GHRH: variants seen among roughly 807,000 people sequenced by gnomAD.
The protein encoded by GHRH is growth hormone releasing hormone, also known as somatoliberin.
In GHRH, 7 loss-of-function variants were observed where a neutral mutation model predicts 15.6. The observed-to-expected ratio is 0.45, with a 90% CI of 0.26 to 0.84. GHRH has a LOEUF of 0.84. Among genes scored for constraint, GHRH ranks in the 40% least tolerant of loss-of-function variants. The pLI is 0.18. For missense variants in GHRH, 117 were observed against 138.0 expected (o/e 0.85, Z 0.76); for synonymous variants, 54 against 50.4 (o/e 1.07, Z -0.30).
At chr20:37,255,866 CA>C (rs1473768143) in intron 3 of GHRH, among the ~76,000 whole-genome samples, 2 of 151,706 alleles carry the variant, frequency 1.3e-5, no homozygotes, top group Non-Finnish European at 2.9e-5. Context: ...CCCATCTCTA[CA>C]AAAAATAAAA....
chr20:37,251,362 G>A, intron 4 of GHRH, 131 bp from the exon 5 acceptor site: 5 of 666,282 alleles, frequency 7.5e-6, no homozygotes, highest in Non-Finnish European at 1.3e-5. Context: ...GAGGCAGTGT[G>A]GGGTGGAGGG....
intron 3 of GHRH, among the ~76,000 whole-genome samples, chr20:37,255,660 CAAA>C (rs61126074): frequency 6.8e-5 from 1 of 14,718 alleles, no homozygotes; most frequent in Non-Finnish European, 1.3e-4. Context: ...GACTCCATCT[CAAA>C]AAAAAAAAAA....
intron 2 of GHRH, 66 bp from the exon 3 acceptor site, chr20:37,256,564 C>T (rs1256057886): frequency 2.0e-6 from 2 of 997,296 alleles, no homozygotes; most frequent in African/African-American, 1.6e-5. Flanking sequence ...GTCGTGGCTG[C>T]ACTCGCCATG....
At chr20:37,252,353 C>T (rs887756056) in intron 4 of GHRH, among the ~76,000 whole-genome samples, 2 of 152,106 alleles carry the variant, frequency 1.3e-5, no homozygotes, top group Non-Finnish European at 2.9e-5. Context: ...GGTGTCTAAT[C>T]GGGTTGGGAA....
chr20:37,256,418 T>G lies in GHRH; in HGVS notation c.164A>C (p.Gln55Pro), dbSNP rs1302355642. 1 of 1,612,214 alleles carries G rather than the reference T, an allele frequency of 6.2e-7. No individual in the cohort carries two copies. The highest frequency in any genetic ancestry group is 2.2e-5 in the East Asian group (1 of 44,866). ...LGQLSARKLL[Q>P]DIMSRQQGES... is the part of the protein sequence containing the mutation. ...CCCCTGCTGCCTGCTCATGATGTCC[T>G]GGAGCAGCTTGCGGGCGGACAGCTG... The change falls in exon 3 of 5, where the codon CAG becomes CCG. Residue 55 changes from glutamine (Q) to proline (P), a missense_variant. Transcript: ENST00000373614.
intron 2 of GHRH, 78 bp from the exon 3 acceptor site, chr20:37,256,576 C>G: frequency 1.1e-6 from 1 of 908,390 alleles, no homozygotes; most frequent in African/African-American, 1.6e-5. Flanking sequence ...CTCGCCATGT[C>G]TCTGCAAGAT....
intron 3 of GHRH, among the ~76,000 whole-genome samples, 165 bp downstream of exon 3, chr20:37,256,229 T>C (rs1053230512): frequency 1.3e-5 from 2 of 151,872 alleles, no homozygotes; most frequent in Non-Finnish European, 2.9e-5. Context: ...GGCATGGAGG[T>C]AAGTTGAGGT....
In GHRH at chr20:37,258,554, C is replaced by T. The variant is rs2068671013; in HGVS notation, c.-19-1646G>A. 6.6e-6 allele frequency among the ~76,000 whole-genome samples: 1 copy of T among 152,294 alleles called. No individual in the cohort carries two copies. Among genetic ancestry groups the T allele is most frequent in the South Asian group, 2.1e-4 (1 of 4,828 alleles). On this transcript the variant is annotated intron_variant, in intron 1 of 4. Coordinates refer to ENST00000373614, the MANE Select transcript of GHRH (RefSeq NM_021081.6). This position sits in a 1 kb window ranked among gnomAD's most constrained non-coding sequence, Gnocchi z 4.1. Reference sequence around the variant, plus strand: ...GGTCTGCTTACTGCAGCCTGAGACCCTGTACCTGCAGAGCTGGAGGGAGCA... The same window carrying T: ...GGTCTGCTTACTGCAGCCTGAGACCTTGTACCTGCAGAGCTGGAGGGAGCA...
rs540473175 is a variant in GHRH at position 37,255,301 on chromosome 20, G to A, written c.189-972C>T. ...TTTTTCAAAGTAAAAACTAAAAAAC[G>A]TATAGGCTATAGAGTCAGGCAGTTT... is the stretch of plus-strand genomic sequence containing the variant. On this transcript the variant is annotated intron_variant, in intron 3 of 4. Coordinates refer to ENST00000373614, the MANE Select transcript of GHRH (RefSeq NM_021081.6). Among the ~76,000 whole-genome samples the A allele has an allele frequency of 3.9e-5, 6 of 152,126 alleles. No individual in the cohort carries two copies. The East Asian group carries it at 5.8e-4, about 15-fold the overall frequency.
chr20:37,251,791 A>G (rs1050834138), intron 4 of GHRH, among the ~76,000 whole-genome samples: 1 of 152,244 alleles, frequency 6.6e-6, no homozygotes, highest in Non-Finnish European at 1.5e-5. Context: ...TGATGGCTGC[A>G]AAAGTGTGCC....
intron 3 of GHRH, among the ~76,000 whole-genome samples, chr20:37,255,137 T>C (rs1414329874): frequency 6.6e-6 from 1 of 152,190 alleles, no homozygotes; most frequent in Non-Finnish European, 1.5e-5. Context: ...ATACTTAATG[T>C]GCATATGTGT....
intron 1 of GHRH, among the ~76,000 whole-genome samples, chr20:37,257,765 A>C (rs779231442): frequency 6.6e-6 from 1 of 152,188 alleles, no homozygotes; most frequent in Non-Finnish European, 1.5e-5. Context: ...TTCCCCGGCC[A>C]TAAAACCAAG....
intron 4 of GHRH, among the ~76,000 whole-genome samples, chr20:37,252,049 C>T (rs562891343): frequency 6.3e-4 from 96 of 152,334 alleles, no homozygotes; most frequent in African/African-American, 2.2e-3. Flanking sequence ...CTACTGGGGC[C>T]TGATGAGAGC....
chr20:37,257,513 CA>C (rs35910164), intron 1 of GHRH, among the ~76,000 whole-genome samples: 14,326 of 103,538 alleles, frequency 0.14, 1,472 homozygotes, highest in African/African-American at 0.31. Flanking sequence ...GACCCTGTCT[CA>C]AAAAAAAAAA....
chr20:37,253,270 C>T (rs1334793724), intron 4 of GHRH, among the ~76,000 whole-genome samples: 1 of 152,210 alleles, frequency 6.6e-6, no homozygotes, highest in Non-Finnish European at 1.5e-5. Context: ...TGGGGAACGA[C>T]AGTCATCACG....
chr20:37,259,541 CT>C (rs2068676728), intron 1 of GHRH, among the ~76,000 whole-genome samples: 1 of 152,204 alleles, frequency 6.6e-6, no homozygotes, highest in Non-Finnish European at 1.5e-5. Context: ...CCTCCCTCCC[CT>C]GCTCAGAAGC....
In GHRH at chr20:37,258,135, G is replaced by A. The variant is rs141807382; in HGVS notation, c.-19-1227C>T. Among the ~76,000 whole-genome samples the A allele has an allele frequency of 0.013, 1,920 of 152,314 alleles. 18 individuals are homozygous for A. The highest frequency in any genetic ancestry group is 0.021 in the Non-Finnish European group (1,439 of 68,024). ...CCAGCAGGGGACAGAGCCCGCCTCCGCTGGGGCAAGTGCCACTGCTGTCAG... is the reference window on the plus strand; with the variant it reads ...CCAGCAGGGGACAGAGCCCGCCTCCACTGGGGCAAGTGCCACTGCTGTCAG... On this transcript the variant is annotated intron_variant, in intron 1 of 4. Transcript: ENST00000373614. This position sits in a 1 kb window ranked among gnomAD's most constrained non-coding sequence, Gnocchi z 4.1.
intron 3 of GHRH, among the ~76,000 whole-genome samples, chr20:37,256,035 G>T (rs1030225970): frequency 6.6e-6 from 1 of 152,138 alleles, no homozygotes; most frequent in South Asian, 2.1e-4. Flanking sequence ...CTAAAAAAAA[G>T]AAAGCAAGAA....
intron 1 of GHRH, among the ~76,000 whole-genome samples, chr20:37,260,378 C>T (rs2068681181): frequency 6.7e-6 from 1 of 148,900 alleles, no homozygotes; most frequent in African/African-American, 2.5e-5. Context: ...GCCTGAGCAA[C>T]ATGGCGAGAC....
Sources: gnomAD v4.1 joint callset for allele counts (sites outside exome capture counted in the v4.1 genomes callset) on GRCh38, gnomAD v4.1.1 for gene constraint, Gnocchi (gnomAD v3.1) non-coding constraint, MANE v1.5 for transcripts, NCBI Gene and HGNC (gene_info 2026-07-23, HGNC 2026-07-21) for gene names.